NUDT7: variants seen among roughly 807,000 people sequenced by gnomAD.
The protein encoded by NUDT7 is peroxisomal coenzyme A diphosphatase NUDT7.
In NUDT7, 19 loss-of-function variants were observed where a neutral mutation model predicts 13.1. The observed-to-expected ratio is 1.45, with a 90% CI of 1.01 to 2.13. The LOEUF (loss-of-function observed/expected upper bound fraction) is 2.13. Ranked by LOEUF, NUDT7 falls within the 30% of genes most tolerant of loss-of-function variation. The pLI is 0.00. For missense variants in NUDT7, 360 were observed against 291.7 expected (o/e 1.23, Z -1.71); for synonymous variants, 132 against 109.7 (o/e 1.20, Z -1.27).
chr16:77,729,222 TTC>T (rs1453438126), intron 2 of NUDT7, among the ~76,000 whole-genome samples: 1 of 152,216 alleles, frequency 6.6e-6, no homozygotes, highest in African/African-American at 2.4e-5. Context: ...GCGTAATATT[TTC>T]TTTTTTAAAA....
chr16:77,736,168 T>C (rs2014479348), intron 3 of NUDT7, 182 bp downstream of exon 3: 2 of 547,508 alleles, frequency 3.7e-6, no homozygotes, highest in Non-Finnish European at 6.5e-6. Context: ...CCCTTTTGCC[T>C]CTCCGGACCC....
At chr16:77,737,886 A>T (rs1597118935) in intron 3 of NUDT7, among the ~76,000 whole-genome samples, 1 of 152,094 alleles carries the variant, frequency 6.6e-6, no homozygotes, top group Non-Finnish European at 1.5e-5. Context: ...ATGATCCTTT[A>T]TGTTCCACTT....
chr16:77,735,984 G>C lies in NUDT7; in HGVS notation c.346G>C (p.Asp116His), dbSNP rs79804925. ...CTGCTGCCTGGTGCCATGTCTTATTGATGTAAGGGTTTCCTGAGACACTCA... is the reference window on the plus strand; with the variant it reads ...CTGCTGCCTGGTGCCATGTCTTATTCATGTAAGGGTTTCCTGAGACACTCA... ...VVCCLVPCLIDTDTLITPFVG... is the reference protein window; with the variant it reads ...VVCCLVPCLIHTDTLITPFVG... The change falls in exon 3 of 4, where the codon GAT becomes CAT. Residue 116 changes from aspartate (D) to histidine (H), a missense_variant and splice_region_variant. Physicochemically the swap from Asp to His is moderately conservative, Grantham distance 81. Coordinates refer to ENST00000268533, the MANE Select transcript of NUDT7 (RefSeq NM_001105663.3). 2.8e-3 allele frequency: 4,571 copies of C among 1,613,942 alleles called. 108 individuals carry two copies. The African/African-American group carries it at 0.051, about 18-fold the overall frequency.
Position 77,741,714 on chromosome 16 carries a change from C to T in NUDT7, c.481C>T (p.His161Tyr). ...YFLHPQVHDQ[H>Y]YVTRLGHRFI... ...CCTGCATCCACAGGTCCATGACCAG[C>T]ATTACGTCACACGTCTTGGTCACCG... is the stretch of plus-strand genomic sequence containing the variant. The change falls in exon 4 of 4, where the codon CAT (histidine) becomes TAT (tyrosine). Residue 161 changes from histidine to tyrosine, a missense_variant. His to Tyr is a moderately conservative substitution (Grantham distance 83). Transcript: ENST00000268533. 3 of 1,614,086 alleles carry T rather than the reference C, an allele frequency of 1.9e-6. No individual in the cohort carries two copies. Among genetic ancestry groups the T allele is most frequent in the Non-Finnish European group, 2.5e-6 (3 of 1,179,994 alleles).
At chr16:77,728,708 C>T (rs139541905) in intron 2 of NUDT7, among the ~76,000 whole-genome samples, 130 of 152,290 alleles carry the variant, frequency 8.5e-4, no homozygotes, top group African/African-American at 2.7e-3. Flanking sequence ...CCTATGTTTT[C>T]GTTATCTCCT....
At chr16:77,736,114 T>A in intron 3 of NUDT7, 128 bp downstream of exon 3, 3 of 877,176 alleles carry the variant, frequency 3.4e-6, no homozygotes, top group Non-Finnish European at 5.2e-6. Flanking sequence ...GAACAGGTTC[T>A]CCTACAGACA....
At chr16:77,729,319 A>G (rs937385303) in intron 2 of NUDT7, among the ~76,000 whole-genome samples, 5 of 152,032 alleles carry the variant, frequency 3.3e-5, no homozygotes, top group African/African-American at 1.2e-4. Context: ...GCTTTGAAGT[A>G]TATATTCACT....
intron 1 of NUDT7, 143 bp downstream of exon 1, chr16:77,722,760 C>T (rs2013999609): frequency 1.4e-6 from 1 of 732,920 alleles, no homozygotes; most frequent in Non-Finnish European, 2.4e-6. Context: ...GGAGCACTCG[C>T]CTCCAGCAAC....
chr16:77,737,500 T>G (rs9674427), intron 3 of NUDT7: 24,065 of 120,804 alleles, frequency 0.2, 1,990 homozygotes, highest in South Asian at 0.24. Context: ...TGTTGTTGTT[T>G]TTTTGACACA....
chr16:77,741,894 G>A lies in NUDT7; in HGVS notation c.661G>A (p.Ala221Thr). ...EVQFNLNDVL[A>T]SSEELFLKVH... ...TCAATTTAATCTTAATGATGTATTA[G>A]CATCCTCTGAAGAGTTATTCCTGAA... The change falls in exon 4 of 4, where the codon GCA becomes ACA. Residue 221 changes from alanine (A) to threonine (T), a missense_variant. Physicochemically the swap from Ala to Thr is moderately conservative, Grantham distance 58. Transcript: ENST00000268533. 1.2e-6 allele frequency: 2 copies of A among 1,613,746 alleles called. No individual in the cohort carries two copies. Among genetic ancestry groups the A allele is most frequent in the Non-Finnish European group, 1.7e-6 (2 of 1,179,926 alleles).
At chr16:77,741,366 G>A in intron 3 of NUDT7, 1 of 509,858 alleles carries the variant, frequency 2.0e-6, no homozygotes, top group Admixed American at 3.8e-5. Context: ...GTTCATACAA[G>A]AAATCATTTT....
intron 2 of NUDT7, chr16:77,735,582 T>G: frequency 1.7e-6 from 1 of 580,818 alleles, no homozygotes; most frequent in East Asian, 2.8e-5. Context: ...CAAGAACAGA[T>G]TAATACAGTG....
At chr16:77,730,941 T>C (rs1472447306) in intron 2 of NUDT7, among the ~76,000 whole-genome samples, 1 of 152,124 alleles carries the variant, frequency 6.6e-6, no homozygotes, top group South Asian at 2.1e-4. Context: ...TTTTTTATTA[T>C]TGATATTGAG....
Position 77,735,913 on chromosome 16 carries a change from A to T in NUDT7, c.275A>T (p.Glu92Val). The T allele has an allele frequency of 6.2e-7, 1 of 1,613,902 alleles. No individual in the cohort carries two copies. The highest frequency in any genetic ancestry group is 8.5e-7 in the Non-Finnish European group (1 of 1,179,810). Residue 92 changes from glutamate (E) to valine (V), a missense_variant, in exon 3 of 4, where the codon GAA (glutamate) becomes GTA (valine). Coordinates refer to ENST00000268533, the MANE Select transcript of NUDT7 (RefSeq NM_001105663.3). Reference protein sequence around the residue: ...DMDDAATALREAQEEVGLRPH... With the variant: ...DMDDAATALRVAQEEVGLRPH... ...GATGATGCAGCCACAGCTCTCCGGGAAGCCCAGGAGGAAGTGGGTCTCCGT... is the reference window on the plus strand; with the variant it reads ...GATGATGCAGCCACAGCTCTCCGGGTAGCCCAGGAGGAAGTGGGTCTCCGT...
intron 2 of NUDT7, among the ~76,000 whole-genome samples, chr16:77,732,228 T>G (rs1321006570): frequency 6.6e-6 from 1 of 151,716 alleles, no homozygotes; most frequent in Admixed American, 6.6e-5. Context: ...CTTGGGAGGC[T>G]GAGGCAGGAG....
chr16:77,723,592 C>CTTTTTTTTTT (rs148451618), intron 1 of NUDT7, among the ~76,000 whole-genome samples: 1 of 125,702 alleles, frequency 8.0e-6, no homozygotes, highest in African/African-American at 3.1e-5. Context: ...TTTGTATACA[C>CTTTTTTTTTT]TTTTTTTTTT....
Position 77,735,436 on chromosome 16 carries a change from G to T in NUDT7, c.190-392G>T, listed in dbSNP as rs759078957. On this transcript the variant is annotated intron_variant, in intron 2 of 3. Coordinates refer to ENST00000268533, the MANE Select transcript of NUDT7 (RefSeq NM_001105663.3). ...TCCTCCTTTACCTTCCGCCATGATTGTAAGTTTCCTGAGGTCTCCCCAGAA... is the reference window on the plus strand; with the variant it reads ...TCCTCCTTTACCTTCCGCCATGATTTTAAGTTTCCTGAGGTCTCCCCAGAA... 11 of 653,684 alleles carry T rather than the reference G, an allele frequency of 1.7e-5. No individual in the cohort carries two copies. The East Asian group carries it at 2.7e-4, about 16-fold the overall frequency. 40.5% of individuals were successfully genotyped at this position (653,684 alleles called of 1,614,324 possible).
intron 2 of NUDT7, among the ~76,000 whole-genome samples, chr16:77,732,945 C>T (rs8058941): frequency 0.096 from 14,655 of 152,124 alleles, 817 homozygotes; most frequent in African/African-American, 0.16. Flanking sequence ...GTATTTCTTA[C>T]GCATTTGGTA....
chr16:77,739,378 A>G (rs2145128880), intron 3 of NUDT7, among the ~76,000 whole-genome samples: 1 of 152,326 alleles, frequency 6.6e-6, no homozygotes, highest in South Asian at 2.1e-4. Flanking sequence ...CCCAGAGGTG[A>G]GAGTTCCTCC....
Sources: allele counts gnomAD v4.1 joint callset (sites outside exome capture counted in the v4.1 genomes callset), GRCh38; gene constraint gnomAD v4.1.1; transcripts MANE v1.5; gene names NCBI Gene and HGNC (gene_info 2026-07-23, HGNC 2026-07-21).